STXBP4: variants seen among roughly 807,000 people sequenced by gnomAD.
STXBP4 encodes syntaxin-binding protein 4.
In STXBP4, 55 loss-of-function variants were observed where a neutral mutation model predicts 76.1. The ratio of observed to expected loss-of-function variants is 0.72; its 90% CI spans 0.58 to 0.91. The LOEUF is 0.91. STXBP4 is among the 40% of genes least tolerant of loss of function. STXBP4 has a pLI of 0.00. For missense variants in STXBP4, 618 were observed against 636.9 expected, an observed-to-expected ratio of 0.97 and a Z score of 0.32; for synonymous variants, 201 against 220.2, an observed-to-expected ratio of 0.91 and a Z score of 0.77.
intron 7 of STXBP4, 66 bp from the exon 8 acceptor site, chr17:55,007,440 T>C (rs546817417): frequency 2.5e-5 from 27 of 1,098,006 alleles, no homozygotes; most frequent in African/African-American, 2.2e-4. Context: ...TCAGAACATA[T>C]CCTGTCAAAT....
chr17:55,086,638 C>G (rs916357404), intron 16 of STXBP4, among the ~76,000 whole-genome samples: 2 of 152,060 alleles, frequency 1.3e-5, no homozygotes, highest in African/African-American at 4.8e-5. Flanking sequence ...GAGACACGCA[C>G]ACATACCACA....
At chr17:55,185,265 TTC>T in the STXBP4 span, among the ~76,000 whole-genome samples, 1 of 53,438 alleles carries the variant, frequency 1.9e-5, no homozygotes, top group Non-Finnish European at 3.7e-5. Context: ...CTCCTTCTCC[TTC>T]TCCTTCTCCT....
At chr17:55,032,301 C>T (rs1200659273) in intron 9 of STXBP4, among the ~76,000 whole-genome samples, 1 of 152,002 alleles carries the variant, frequency 6.6e-6, no homozygotes, top group Non-Finnish European at 1.5e-5. Flanking sequence ...TTTTTCATCC[C>T]ATCTCCACTT....
chr17:55,006,643 A>G (rs1425501539), intron 7 of STXBP4, among the ~76,000 whole-genome samples: 1 of 152,222 alleles, frequency 6.6e-6, no homozygotes, highest in Non-Finnish European at 1.5e-5. Flanking sequence ...AAGATGTAGA[A>G]AAATGGGTAA....
At chr17:55,197,173 AT>A in the STXBP4 span, among the ~76,000 whole-genome samples, 3 of 152,218 alleles carry the variant, frequency 2.0e-5, no homozygotes, top group African/African-American at 7.2e-5. Flanking sequence ...GGCAGGCATG[AT>A]TTAAAAACAA....
intron 16 of STXBP4, among the ~76,000 whole-genome samples, chr17:55,116,781 C>T (rs244354): frequency 0.65 from 98,516 of 151,492 alleles, 33,119 homozygotes; most frequent in African/African-American, 0.83. Flanking sequence ...TTTGTGCTCT[C>T]CTGTTATAGC....
At chr17:55,073,122 G>A (rs748075209) in intron 13 of STXBP4, 46 bp downstream of exon 13, 54 of 1,569,840 alleles carry the variant, frequency 3.4e-5, no homozygotes, top group East Asian at 1.4e-4. Flanking sequence ...TTTCCTTGCC[G>A]TTGTCATGTA....
intron 16 of STXBP4, among the ~76,000 whole-genome samples, chr17:55,134,365 C>T (rs1257554726): frequency 6.6e-6 from 1 of 151,854 alleles, no homozygotes; most frequent in East Asian, 1.9e-4. Context: ...AAAACTATCT[C>T]TTACCATAAC....
intron 17 of STXBP4, among the ~76,000 whole-genome samples, chr17:55,149,291 A>G (rs1303801752): frequency 1.3e-5 from 2 of 152,186 alleles, no homozygotes; most frequent in African/African-American, 4.8e-5. Context: ...TATTTATCGA[A>G]TGAATATTGT....
intron 7 of STXBP4, among the ~76,000 whole-genome samples, chr17:55,001,865 C>G (rs1457836346): frequency 1.3e-5 from 2 of 152,138 alleles, no homozygotes; most frequent in East Asian, 3.9e-4. Context: ...ATCTCCTGAC[C>G]TCGTGATCTG....
intron 8 of STXBP4, among the ~76,000 whole-genome samples, chr17:55,014,299 A>G (rs1483172886): frequency 6.6e-6 from 1 of 152,130 alleles, no homozygotes; most frequent in Non-Finnish European, 1.5e-5. Flanking sequence ...AGCACGGGAC[A>G]ACAAACGGGT....
intron 8 of STXBP4, among the ~76,000 whole-genome samples, chr17:55,017,305 G>T (rs1014668309): frequency 6.6e-6 from 1 of 151,986 alleles, no homozygotes; most frequent in Non-Finnish European, 1.5e-5. Context: ...CAAACTTGGG[G>T]CCCTGGCAAG....
chr17:54,996,361 G>C (rs1018850585), intron 4 of STXBP4, among the ~76,000 whole-genome samples: 1 of 151,734 alleles, frequency 6.6e-6, no homozygotes, highest in African/African-American at 2.4e-5. Context: ...GAAGGTGGAT[G>C]ATGAAGCTAG....
chr17:55,069,523 C>T (rs2079097190), intron 12 of STXBP4, among the ~76,000 whole-genome samples: 1 of 152,120 alleles, frequency 6.6e-6, no homozygotes, highest in Admixed American at 6.6e-5. Context: ...CTAAATACGG[C>T]ACACTGCTGT....
chr17:55,037,120 T>C (rs1054736968), intron 10 of STXBP4, among the ~76,000 whole-genome samples: 2 of 152,162 alleles, frequency 1.3e-5, no homozygotes, highest in Non-Finnish European at 2.9e-5. Flanking sequence ...AAGCACTGAT[T>C]TATCAGAACT....
intron 11 of STXBP4, chr17:55,043,624 A>T (rs774095931): frequency 1.3e-6 from 2 of 1,549,860 alleles, no homozygotes; most frequent in Non-Finnish European, 8.7e-7. Flanking sequence ...GCCAGGGCAG[A>T]ATTAGATGAA....
intron 12 of STXBP4, among the ~76,000 whole-genome samples, chr17:55,070,746 A>G (rs1171880203): frequency 6.6e-6 from 1 of 151,140 alleles, no homozygotes; most frequent in Admixed American, 6.6e-5. Context: ...CCCCTATAGC[A>G]AGTCTCTACT....
At chr17:55,141,857 T>G (rs2080098158) in intron 17 of STXBP4, among the ~76,000 whole-genome samples, 1 of 152,190 alleles carries the variant, frequency 6.6e-6, no homozygotes, top group Admixed American at 6.6e-5. Context: ...ATAGACTGGT[T>G]TCTTGATAGC....
chr17:55,012,775 A>T (rs1451245021), intron 8 of STXBP4, among the ~76,000 whole-genome samples: 1 of 152,160 alleles, frequency 6.6e-6, no homozygotes, highest in Non-Finnish European at 1.5e-5. Context: ...CCGCTTTTTG[A>T]GGTCCTTTTT....
Sources: gnomAD v4.1 joint callset for allele counts (sites outside exome capture counted in the v4.1 genomes callset) on GRCh38, gnomAD v4.1.1 for gene constraint, MANE v1.5 for transcripts, NCBI Gene and HGNC (gene_info 2026-07-23, HGNC 2026-07-21) for gene names.